MAEA: variants seen among roughly 807,000 people sequenced by gnomAD.
MAEA encodes the protein macrophage erythroblast attacher, E3 ubiquitin ligase, also known as E3 ubiquitin-protein transferase MAEA.
In MAEA, 22 loss-of-function variants were observed where a neutral mutation model predicts 46.2. The observed-to-expected ratio is 0.48, with a 90% CI of 0.34 to 0.68. The LOEUF (loss-of-function observed/expected upper bound fraction) is 0.68, where lower values mean the gene tolerates loss of function less well. MAEA is among the 30% of genes least tolerant of loss of function. The pLI is 0.01. For synonymous variants in MAEA, 246 were observed against 222.6 expected (o/e 1.11, Z -0.94); for missense variants, 393 against 558.1 (o/e 0.70, Z 2.98).
At chr4:1,307,070 A>G (rs943072184) in intron 1 of MAEA, among the ~76,000 whole-genome samples, 3 of 152,212 alleles carry the variant, frequency 2.0e-5, no homozygotes, top group Admixed American at 2.0e-4. Context: ...CTCTAGCTTT[A>G]TGAGAAGTCT....
At chr4:1,315,256 G>C (rs1017882452) in intron 2 of MAEA, 141 bp from the exon 3 acceptor site, 3 of 749,754 alleles carry the variant, frequency 4.0e-6, no homozygotes, top group Non-Finnish European at 6.6e-6. Flanking sequence ...TAGCGGACTC[G>C]GTAGAGCACG....
intron 4 of MAEA, among the ~76,000 whole-genome samples, chr4:1,324,993 G>A (rs1247252015): frequency 3.9e-5 from 6 of 152,072 alleles, no homozygotes; most frequent in African/African-American, 1.5e-4. Context: ...TCCATATTTA[G>A]ATGCTGTCCA....
In MAEA at chr4:1,329,510, G is replaced by C. The variant is rs920492106; in HGVS notation, c.656+1807G>C. The C allele has an allele frequency of 8.1e-6, 8 of 985,188 alleles. No homozygotes were observed. In the African/African-American group the frequency reaches 1.2e-4, roughly 15 times the overall value. The allele number at this position is 985,188 out of a possible 1,614,324, so 61.0% of individuals were successfully genotyped here. ...GCAAGCAGACACGTGCTGCCTCGAA[G>C]CCTCAGCAGCCAGCCGGGCAGGCAT... On this transcript the variant is annotated intron_variant, in intron 5 of 8. Coordinates refer to ENST00000303400, the MANE Select transcript of MAEA (RefSeq NM_001017405.3).
At chr4:1,331,763 GT>G (rs202164303) in intron 5 of MAEA, 2,383 of 63,806 alleles carry the variant, frequency 0.037, 56 homozygotes, top group African/African-American at 0.24. Context: ...GACCCTGTGT[GT>G]GGGGGGGGGC....
At chr4:1,295,803 C>T (rs1434077724) in intron 1 of MAEA, among the ~76,000 whole-genome samples, 8 of 71,432 alleles carry the variant, frequency 1.1e-4, no homozygotes, top group Admixed American at 1.4e-4. Flanking sequence ...CCCTCCCCAG[C>T]GCCTGTGCCC....
In MAEA at chr4:1,314,860, T is replaced by C. The variant is rs77747095; in HGVS notation, c.253-537T>C. ...CAGCCCGGATCCTGGATCTGTCCAGTAGTCAGTCGCCGTGTGTGCTGTCAA... is the reference window on the plus strand; with the variant it reads ...CAGCCCGGATCCTGGATCTGTCCAGCAGTCAGTCGCCGTGTGTGCTGTCAA... On this transcript the variant is annotated intron_variant, in intron 2 of 8. Transcript: ENST00000303400. 2.8e-4 allele frequency among the ~76,000 whole-genome samples: 43 copies of C among 152,320 alleles called. No individual in the cohort carries two copies. The East Asian group carries it at 4.8e-3, about 17-fold the overall frequency.
At chr4:1,302,154 T>C (rs1331428884) in intron 1 of MAEA, among the ~76,000 whole-genome samples, 1 of 152,256 alleles carries the variant, frequency 6.6e-6, no homozygotes, top group African/African-American at 2.4e-5. Flanking sequence ...GAAAGGATTA[T>C]GTGTCAGGAC....
chr4:1,295,657 C>T (rs1734563078), intron 1 of MAEA, among the ~76,000 whole-genome samples: 1 of 141,286 alleles, frequency 7.1e-6, no homozygotes, highest in Non-Finnish European at 1.6e-5. Context: ...CCCCCCTCAC[C>T]CGCTCCTGTA....
chr4:1,311,862 C>G lies in MAEA; in HGVS notation c.70-117C>G, dbSNP rs1019130764. 1.1e-6 allele frequency: 1 copy of G among 882,250 alleles called. No individual in the cohort carries two copies. Among genetic ancestry groups the G allele is most frequent in the Admixed American group, 2.7e-5 (1 of 37,616 alleles). The allele number at this position is 882,250 out of a possible 1,614,324, so 54.7% of individuals were successfully genotyped here. ...GAGTAGATACTTTTGAGACCATGAA[C>G]CTTCTGAGACTTCTGCCTCTACAAG... On this transcript the variant is annotated intron_variant, in intron 1 of 8. Coordinates refer to ENST00000303400, the MANE Select transcript of MAEA (RefSeq NM_001017405.3). The surrounding 1 kb of genome is among the most constrained non-coding windows in gnomAD (Gnocchi z 4.4).
chr4:1,327,538 G>C (rs1195139462), intron 4 of MAEA, 89 bp from the exon 5 acceptor site: 4 of 865,080 alleles, frequency 4.6e-6, no homozygotes, highest in Non-Finnish European at 6.0e-6. Flanking sequence ...TGGTTGTGGG[G>C]TCTGCTGGTG....
chr4:1,310,679 C>A (rs747970918), intron 1 of MAEA, among the ~76,000 whole-genome samples: 52 of 152,208 alleles, frequency 3.4e-4, no homozygotes, highest in Admixed American at 9.2e-4. Context: ...TGGACGAGAG[C>A]GTGTGCACCC....
chr4:1,310,083 C>T lies in MAEA; in HGVS notation c.70-1896C>T, dbSNP rs943213267. On this transcript the variant is annotated intron_variant, in intron 1 of 8. Transcript: ENST00000303400. ...TGGTCTAATGGCGAAGACTTTCTGTCCTGCTCTTGTGAGGCGCCTGCACAG... is the reference window on the plus strand; with the variant it reads ...TGGTCTAATGGCGAAGACTTTCTGTTCTGCTCTTGTGAGGCGCCTGCACAG... The T allele has an allele frequency of 1.3e-5, 13 of 1,006,006 alleles. No homozygotes were observed. In the African/African-American group the frequency reaches 1.5e-4, roughly 12 times the overall value. The allele number at this position is 1,006,006 out of a possible 1,614,324, so 62.3% of individuals were successfully genotyped here.
intron 5 of MAEA, 94 bp downstream of exon 5, chr4:1,327,797 C>A: frequency 1.1e-6 from 1 of 941,934 alleles, no homozygotes; most frequent in Non-Finnish European, 1.4e-6. Flanking sequence ...GGTCCTGGGA[C>A]GTCCCCTGGG....
intron 1 of MAEA, among the ~76,000 whole-genome samples, chr4:1,300,139 C>T (rs1357472764): frequency 1.3e-5 from 2 of 152,150 alleles, no homozygotes; most frequent in African/African-American, 4.8e-5. Context: ...GAACACATCC[C>T]ATTCACCATA....
chr4:1,323,502 A>G (rs1738412306), intron 4 of MAEA: 2 of 702,598 alleles, frequency 2.8e-6, no homozygotes, highest in South Asian at 1.5e-5. Flanking sequence ...CAGGGCCGCC[A>G]AAACAAGCAC....
intron 6 of MAEA, chr4:1,335,310 T>C: frequency 1.0e-6 from 1 of 985,498 alleles, no homozygotes; most frequent in South Asian, 4.7e-5. Context: ...GAGTCTATTT[T>C]TTGTCACAGT....
In MAEA at chr4:1,304,708, G is replaced by GGATT. The variant is rs563434717; in HGVS notation, c.70-7270_70-7267dup. On this transcript the variant is annotated intron_variant, in intron 1 of 8. Coordinates refer to ENST00000303400, the MANE Select transcript of MAEA (RefSeq NM_001017405.3). ...CCCACCTCGGCCTCCCAAAGTGCTG[G>GGATT]GATTACAGGCATGAACCACCACGCC... Among the ~76,000 whole-genome samples, 275 of 152,206 alleles carry GGATT rather than the reference G, an allele frequency of 1.8e-3. 2 individuals are homozygous for GGATT. The Middle Eastern group carries it at 0.024, about 13-fold the overall frequency.
chr4:1,315,359 TC>T (rs1289391105), intron 2 of MAEA, 37 bp from the exon 3 acceptor site: 2 of 1,593,570 alleles, frequency 1.3e-6, no homozygotes, highest in South Asian at 2.2e-5. Flanking sequence ...CTGCGGGGCA[TC>T]CCTGTCCTGA....
At chr4:1,321,528 A>G (rs1049801804) in intron 3 of MAEA, among the ~76,000 whole-genome samples, 5 of 152,238 alleles carry the variant, frequency 3.3e-5, no homozygotes, top group African/African-American at 1.2e-4. Flanking sequence ...GAAAAGAGTA[A>G]TCATCAAAGA....
Sources: gnomAD v4.1 joint callset for allele counts (sites outside exome capture counted in the v4.1 genomes callset) on GRCh38, gnomAD v4.1.1 for gene constraint, Gnocchi (gnomAD v3.1) non-coding constraint, MANE v1.5 for transcripts, NCBI Gene and HGNC (gene_info 2026-07-23, HGNC 2026-07-21) for gene names.